Variants in BPNT2 observed in about 807,000 individuals in gnomAD.
The protein encoded by BPNT2 is Golgi-resident adenosine 3',5'-bisphosphate 3'-phosphatase.
Under a neutral mutation model 29.3 loss-of-function variants are expected in BPNT2, and 11 were observed. The ratio of observed to expected loss-of-function variants is 0.38; its 90% CI spans 0.24 to 0.62. BPNT2 has a LOEUF of 0.62. Ranked by LOEUF, BPNT2 falls within the 20% of genes least tolerant of loss-of-function variation. BPNT2 has a pLI of 0.62. For synonymous variants in BPNT2, 195 were observed against 187.7 expected (o/e 1.04, Z -0.32); for missense variants, 459 against 473.4 (o/e 0.97, Z 0.28).
chr8:56,988,812 C>T (rs1481765475), intron 1 of BPNT2, among the ~76,000 whole-genome samples: 1 of 152,164 alleles, frequency 6.6e-6, no homozygotes, highest in East Asian at 1.9e-4. Context: ...CATAATCTGT[C>T]CTCCAACTTA....
intron 1 of BPNT2, among the ~76,000 whole-genome samples, chr8:56,981,246 A>T (rs1358187306): frequency 6.6e-6 from 1 of 152,240 alleles, no homozygotes; most frequent in Non-Finnish European, 1.5e-5. Context: ...TCCTAAAATT[A>T]GTCTAATTTG....
At chr8:56,986,915 A>G (rs1275770191) in intron 1 of BPNT2, among the ~76,000 whole-genome samples, 1 of 152,234 alleles carries the variant, frequency 6.6e-6, no homozygotes, top group African/African-American at 2.4e-5. Flanking sequence ...CCAGCTATAC[A>G]AAGGTTCTTA....
At chr8:56,991,637 T>G (rs903784383) in intron 1 of BPNT2, among the ~76,000 whole-genome samples, 1 of 152,228 alleles carries the variant, frequency 6.6e-6, no homozygotes, top group South Asian at 2.1e-4. Context: ...CCCGTTTGTA[T>G]AGTAGGCAGA....
intron 1 of BPNT2, among the ~76,000 whole-genome samples, chr8:56,988,681 T>A (rs1284314099): frequency 6.6e-6 from 1 of 152,186 alleles, no homozygotes; most frequent in Non-Finnish European, 1.5e-5. Context: ...GACTCGCAGA[T>A]TTGTATTTTC....
At position 56,962,114 on chromosome 8, in the gene BPNT2, TA is replaced by T. The variant is rs1351050871; in HGVS notation, c.*1678del. On this transcript the variant is annotated 3_prime_UTR_variant, in exon 5 of 5. Coordinates refer to ENST00000262644, the MANE Select transcript of BPNT2 (RefSeq NM_017813.5). ...CTTTTCAAAATTTTCAAGTCCTATT[TA>T]AATATCAAGTGTTCCACCTACCAAA... 1 of 152,202 alleles carries T rather than the reference TA, an allele frequency of 6.6e-6. No individual in the cohort carries two copies. Among genetic ancestry groups the T allele is most frequent in the African/African-American group, 2.4e-5 (1 of 41,440 alleles). 9.4% of individuals were successfully genotyped at this position (152,202 alleles called of 1,614,324 possible).
At chr8:56,987,424 T>C (rs549687780) in intron 1 of BPNT2, among the ~76,000 whole-genome samples, 33 of 152,236 alleles carry the variant, frequency 2.2e-4, no homozygotes, top group African/African-American at 7.7e-4. Context: ...AGAGTGTGAA[T>C]AGAACAAAAG....
chr8:56,964,199 A>C (rs1805899417), intron 4 of BPNT2, 135 bp from the exon 5 acceptor site: 1 of 613,054 alleles, frequency 1.6e-6, no homozygotes, highest in Non-Finnish European at 2.8e-6. Context: ...CAACTGCTTA[A>C]GTTTAAAATT....
rs1805795559 is a variant in BPNT2, at chr8:56,959,666, A to C, written c.*4127T>G. ...TAATATTATTAAAATTAAAAATCAA[A>C]AGATGAAATATTATTTCAGACCTAT... On this transcript the variant is annotated 3_prime_UTR_variant, in exon 5 of 5. Coordinates refer to ENST00000262644, the MANE Select transcript of BPNT2 (RefSeq NM_017813.5). 4.6e-5 allele frequency: 7 copies of C among 152,000 alleles called. No individual in the cohort carries two copies. The highest frequency in any genetic ancestry group is 4.6e-4 in the Admixed American group (7 of 15,270). 9.4% of individuals were successfully genotyped at this position (152,000 alleles called of 1,614,324 possible). A position where few individuals can be genotyped will look rare whatever the true frequency, so the allele number is the denominator to read the frequency against.
chr8:56,993,598 C>A lies in BPNT2; in HGVS notation c.-13G>T. Reference sequence around the variant, plus strand: ...CCATGGGGGCCATGGCGTGGGAAGCCGGGCGCTCCGGGCTGCGGCTCTCAC... The same window carrying A: ...CCATGGGGGCCATGGCGTGGGAAGCAGGGCGCTCCGGGCTGCGGCTCTCAC... On this transcript the variant is annotated 5_prime_UTR_variant, in exon 1 of 5. Transcript: ENST00000262644. 7.1e-7 allele frequency: 1 copy of A among 1,414,424 alleles called. No homozygotes were observed. The allele number at this position is 1,414,424 out of a possible 1,614,324, so 87.6% of individuals were successfully genotyped here.
chr8:56,959,280 C>T lies in BPNT2; in HGVS notation c.*4513G>A, dbSNP rs1004984449. 3.3e-5 allele frequency: 5 copies of T among 152,152 alleles called. No individual in the cohort carries two copies. Among genetic ancestry groups the T allele is most frequent in the African/African-American group, 1.2e-4 (5 of 41,426 alleles). 9.4% of individuals were successfully genotyped at this position (152,152 alleles called of 1,614,324 possible). A position where few individuals can be genotyped will look rare whatever the true frequency, so the allele number is the denominator to read the frequency against. On this transcript the variant is annotated 3_prime_UTR_variant, in exon 5 of 5. Coordinates refer to ENST00000262644, the MANE Select transcript of BPNT2 (RefSeq NM_017813.5). ...CCCACAAAATTAATTCAACATCCAA[C>T]CTTAAAAATAAATAAAGCTTTGCCA...
At position 56,977,183 on chromosome 8, in the gene BPNT2, G is replaced by A. The variant is rs140581174; in HGVS notation, c.646+867C>T. Among the ~76,000 whole-genome samples, 481 of 152,224 alleles carry A rather than the reference G, an allele frequency of 3.2e-3. 4 individuals are homozygous for A. Among genetic ancestry groups the A allele is most frequent in the Middle Eastern group, 0.024 (7 of 294 alleles). On this transcript the variant is annotated intron_variant, in intron 3 of 4. Transcript: ENST00000262644. ...ACACTTCTGGTCCCCAAACGTTTCA[G>A]ATAATGGATACTCAATCTGTACCAC... is the stretch of plus-strand genomic sequence containing the variant.
Position 56,963,995 on chromosome 8 carries a change from A to T in BPNT2, c.878T>A (p.Val293Glu), listed in dbSNP as rs763967311. The change falls in exon 5 of 5, where the codon GTG (valine) becomes GAG (glutamate). Residue 293 changes from valine to glutamate, a missense_variant. Val to Glu is a moderately radical substitution (Grantham distance 121). Transcript: ENST00000262644. ...SQEKADLYIH[V>E]TYIKKWDICA... ...TATATCCCACTTTTTGATGTATGTC[A>T]CATGGATGTATAAATCAGCTTTTTC... The T allele has an allele frequency of 3.1e-6, 5 of 1,612,044 alleles. No homozygotes were observed. In the Admixed American group the frequency reaches 8.4e-5, roughly 27 times the overall value.
chr8:56,957,994 C>A lies in BPNT2; in HGVS notation c.*5799G>T, dbSNP rs1805764803. On this transcript the variant is annotated 3_prime_UTR_variant, in exon 5 of 5. Coordinates refer to ENST00000262644, the MANE Select transcript of BPNT2 (RefSeq NM_017813.5). ...TTCGTTTGGCAAAGTATATCCGGGG[C>A]AGAGAGTTTGGGATAATTATGTCAT... 1.3e-5 allele frequency: 2 copies of A among 151,818 alleles called. No individual in the cohort carries two copies. Among genetic ancestry groups the A allele is most frequent in the Non-Finnish European group, 2.9e-5 (2 of 67,990 alleles). The allele number at this position is 151,818 out of a possible 1,614,324, so 9.4% of individuals were successfully genotyped here.
At chr8:56,969,781 G>A (rs2129203997) in intron 3 of BPNT2, among the ~76,000 whole-genome samples, 1 of 152,256 alleles carries the variant, frequency 6.6e-6, no homozygotes, top group East Asian at 1.9e-4. Flanking sequence ...TAAAATAACA[G>A]TAGTTGTCTG....
chr8:56,993,560 GA>G lies in BPNT2; in HGVS notation c.25del (p.Ser9ProfsTer73). 1 of 1,478,522 alleles carries G rather than the reference GA, an allele frequency of 6.8e-7. No individual in the cohort carries two copies. Among genetic ancestry groups the G allele is most frequent in the Admixed American group, 2.3e-5 (1 of 42,742 alleles). 91.6% of individuals were successfully genotyped at this position (1,478,522 alleles called of 1,614,324 possible). On this transcript the variant is annotated frameshift_variant, in exon 1 of 5. Transcript: ENST00000262644. LOFTEE classifies it high-confidence loss of function. ...GCAAAACACTGCCACCCCCAGTGGG[GA>G]AAGGCGGATGCCCATGGGGGCCATG... is the stretch of plus-strand genomic sequence containing the variant. MAPMGIRL[S>X]PLGVAVFCLL...
At position 56,963,747 on chromosome 8, in the gene BPNT2, C is replaced by T. The variant is rs1188137984; in HGVS notation, c.*46G>A. 7.5e-6 allele frequency: 12 copies of T among 1,608,026 alleles called. No homozygotes were observed. Among genetic ancestry groups the T allele is most frequent in the Non-Finnish European group, 1.0e-5 (12 of 1,174,992 alleles). On this transcript the variant is annotated 3_prime_UTR_variant, in exon 5 of 5. Coordinates refer to ENST00000262644, the MANE Select transcript of BPNT2 (RefSeq NM_017813.5). ...CCTTTGAAGCTTCCAGCATCTCAGG[C>T]TAACCATTTCAGCTGTGAAGAACTG...
At chr8:56,985,118 C>T (rs537847255) in intron 1 of BPNT2, among the ~76,000 whole-genome samples, 29 of 152,010 alleles carry the variant, frequency 1.9e-4, no homozygotes, top group Middle Eastern at 3.4e-3. Context: ...CCTATTTTTT[C>T]TTCTTCAAAG....
chr8:56,977,440 G>C (rs1240871498), intron 3 of BPNT2, among the ~76,000 whole-genome samples: 2 of 152,008 alleles, frequency 1.3e-5, no homozygotes, highest in African/African-American at 4.8e-5. Context: ...TGTCCTTTCT[G>C]TTTCTTATAA....
Position 56,963,991 on chromosome 8 carries a change from T to C in BPNT2, c.882A>G (p.Thr294=), listed in dbSNP as rs368856658. The part of the protein sequence containing the change: ...QEKADLYIHV[T]YIKKWDICAG... The stretch of plus-strand genomic sequence containing the variant: ...CACATATATCCCACTTTTTGATGTA[T>C]GTCACATGGATGTATAAATCAGCTT... The change falls in exon 5 of 5, where the codon ACA becomes ACG. Residue 294 remains threonine (T), a synonymous_variant. Transcript: ENST00000262644. The C allele has an allele frequency of 5.0e-5, 80 of 1,612,724 alleles. No individual in the cohort carries two copies. The Middle Eastern group carries it at 6.6e-4, about 13-fold the overall frequency.
Sources: allele counts gnomAD v4.1 joint callset (sites outside exome capture counted in the v4.1 genomes callset), GRCh38; gene constraint gnomAD v4.1.1; transcripts MANE v1.5; gene names NCBI Gene and HGNC (gene_info 2026-07-23, HGNC 2026-07-21).